Variants in PCSK5 observed in about 807,000 individuals in gnomAD.
The protein encoded by PCSK5 is proprotein convertase subtilisin/kexin type 5.
PCSK5 carries 129 observed loss-of-function variants against 233.2 expected under a neutral mutation model. The ratio of observed to expected loss-of-function variants is 0.55; its 90% CI spans 0.48 to 0.64. The LOEUF (loss-of-function observed/expected upper bound fraction) is 0.64, where lower values mean the gene tolerates loss of function less well. PCSK5 is among the 30% of genes least tolerant of loss of function. The pLI is 0.00. For missense variants in PCSK5, 2,076 were observed against 2,430.1 expected (o/e 0.85, Z 3.06); for synonymous variants, 825 against 879.2 (o/e 0.94, Z 1.09).
At chr9:76,093,733 C>T (rs1035264619) in intron 7 of PCSK5, among the ~76,000 whole-genome samples, 1 of 152,074 alleles carries the variant, frequency 6.6e-6, no homozygotes, top group African/African-American at 2.4e-5. Flanking sequence ...CCCAGTGAGA[C>T]CCTGATTTTT....
intron 5 of PCSK5, among the ~76,000 whole-genome samples, chr9:76,057,776 T>A (rs190289466): frequency 6.6e-5 from 10 of 151,844 alleles, no homozygotes; most frequent in African/African-American, 2.4e-4. Context: ...AGAATAAATA[T>A]TCAATTACAT....
intron 2 of PCSK5, among the ~76,000 whole-genome samples, chr9:75,962,804 A>T (rs62555921): frequency 0.062 from 9,497 of 152,166 alleles, 433 homozygotes; most frequent in Non-Finnish European, 0.088. Context: ...TTGAAATGGG[A>T]CCCACAGAAG....
At chr9:76,165,854 C>T (rs1823066005) in intron 12 of PCSK5, among the ~76,000 whole-genome samples, 1 of 152,198 alleles carries the variant, frequency 6.6e-6, no homozygotes, top group South Asian at 2.1e-4. Flanking sequence ...GGGCATTAAG[C>T]TTTTTAGTTG....
In PCSK5 at chr9:76,359,051, C is replaced by A; in HGVS notation, c.*129C>A. 1 of 683,534 alleles carries A rather than the reference C, an allele frequency of 1.5e-6. No homozygotes were observed. The highest frequency in any genetic ancestry group is 2.5e-6 in the Non-Finnish European group (1 of 404,550). The allele number at this position is 683,534 out of a possible 1,614,324, so 42.3% of individuals were successfully genotyped here. ...TATTTGTCTTCTTTAACCATGAGTC[C>A]AACCAGAATATGTAAGAATGATGAA... On this transcript the variant is annotated 3_prime_UTR_variant, in exon 38 of 38. Transcript: ENST00000674117.
intron 1 of PCSK5, among the ~76,000 whole-genome samples, 167 bp downstream of exon 1, chr9:75,891,540 C>T (rs1005083639): frequency 2.3e-4 from 35 of 149,646 alleles, no homozygotes; most frequent in African/African-American, 6.6e-4. Flanking sequence ...CGCACACACA[C>T]ACACACACAC....
intron 5 of PCSK5, among the ~76,000 whole-genome samples, chr9:76,062,169 G>T (rs1267774948): frequency 6.6e-6 from 1 of 152,006 alleles, no homozygotes. Flanking sequence ...AATTGCTTGA[G>T]CCCAGGAGTT....
At chr9:76,125,677 T>C (rs1479007643) in intron 9 of PCSK5, among the ~76,000 whole-genome samples, 1 of 152,178 alleles carries the variant, frequency 6.6e-6, no homozygotes, top group East Asian at 1.9e-4. Context: ...AGGAAATTTC[T>C]TCTGTAGTAA....
chr9:76,159,720 T>C (rs1467268120), intron 12 of PCSK5, among the ~76,000 whole-genome samples: 2 of 151,960 alleles, frequency 1.3e-5, no homozygotes, highest in East Asian at 3.9e-4. Flanking sequence ...GGTGCCTGTG[T>C]GCCAAATCAA....
chr9:76,141,360 C>T (rs552320811), intron 10 of PCSK5, among the ~76,000 whole-genome samples: 2 of 152,240 alleles, frequency 1.3e-5, no homozygotes, highest in African/African-American at 4.8e-5. Context: ...AAAAAATTCA[C>T]TCAGCTCTGA....
chr9:75,958,722 G>A (rs891215780), intron 2 of PCSK5, among the ~76,000 whole-genome samples: 7 of 152,178 alleles, frequency 4.6e-5, no homozygotes, highest in Admixed American at 3.3e-4. Context: ...GAACATTTGG[G>A]CAAACGATTT....
chr9:76,096,495 A>G (rs1220014589), intron 8 of PCSK5, among the ~76,000 whole-genome samples: 1 of 152,130 alleles, frequency 6.6e-6, no homozygotes, highest in Non-Finnish European at 1.5e-5. Flanking sequence ...TTGGTTTCTG[A>G]GTATGGCCAA....
chr9:76,030,152 C>CA (rs200529520), intron 5 of PCSK5, among the ~76,000 whole-genome samples: 122 of 141,312 alleles, frequency 8.6e-4, no homozygotes, highest in South Asian at 1.3e-3. Context: ...ATACTTTAAG[C>CA]AAAAAAAAAA....
At chr9:76,060,277 A>G (rs1307132266) in intron 5 of PCSK5, among the ~76,000 whole-genome samples, 1 of 152,250 alleles carries the variant, frequency 6.6e-6, no homozygotes. Context: ...TTATTAATAA[A>G]AATAAAAAAC....
At chr9:76,200,573 T>C (rs1824874665) in intron 20 of PCSK5, among the ~76,000 whole-genome samples, 2 of 152,152 alleles carry the variant, frequency 1.3e-5, no homozygotes, top group African/African-American at 4.8e-5. Flanking sequence ...TTAAGAAATA[T>C]TTGTGGAATG....
chr9:76,222,299 T>A (rs891390145), intron 20 of PCSK5, among the ~76,000 whole-genome samples: 1 of 152,210 alleles, frequency 6.6e-6, no homozygotes, highest in Non-Finnish European at 1.5e-5. Context: ...ATTGGCCTGC[T>A]AAGACACAAA....
chr9:75,959,356 G>A (rs1825232473), intron 2 of PCSK5, among the ~76,000 whole-genome samples: 1 of 152,158 alleles, frequency 6.6e-6, no homozygotes, highest in South Asian at 2.1e-4. Flanking sequence ...AGCAAGTGGG[G>A]TGAGGAGGGC....
At chr9:76,335,297 C>G (rs889324305) in intron 34 of PCSK5, among the ~76,000 whole-genome samples, 3 of 152,142 alleles carry the variant, frequency 2.0e-5, no homozygotes, top group African/African-American at 4.8e-5. Context: ...GTGTAAAGTT[C>G]CCCAGGGCTG....
intron 5 of PCSK5, among the ~76,000 whole-genome samples, chr9:76,046,179 T>TG (rs1829378944): frequency 8.2e-6 from 1 of 121,764 alleles, no homozygotes; most frequent in African/African-American, 3.2e-5. Flanking sequence ...TTTTTTTTTT[T>TG]TTTTTTTTTT....
In PCSK5 at chr9:76,338,309, G is replaced by A; in HGVS notation, c.4828G>A (p.Asp1610Asn). The A allele has an allele frequency of 3.7e-6, 6 of 1,612,628 alleles. No homozygotes were observed. The highest frequency in any genetic ancestry group is 3.4e-6 in the Non-Finnish European group (4 of 1,179,736). Residue 1610 changes from aspartate (D) to asparagine (N), a missense_variant, in exon 35 of 38, where the codon GAC becomes AAC. Around this residue, in one of 6 missense-constraint regions of PCSK5, gnomAD observed 1,510 missense variants for 1,538.1 expected, o/e 0.98. Coordinates refer to ENST00000674117, the MANE Select transcript of PCSK5 (RefSeq NM_001372043.1). ...CKGCQGPRPT[D>N]CLSCDRFFFL... The stretch of plus-strand genomic sequence containing the variant: ...GGGGTGCCAGGGCCCACGGCCCACA[G>A]ACTGCCTGTCTTGCGATAGATTTTT...
Sources: gnomAD v4.1 joint callset for allele counts (sites outside exome capture counted in the v4.1 genomes callset) on GRCh38, gnomAD v4.1.1 for gene constraint, gnomAD v4.1.1 regional missense constraint, MANE v1.5 for transcripts, NCBI Gene and HGNC (gene_info 2026-07-23, HGNC 2026-07-21) for gene names.